FUT8: variants seen among roughly 807,000 people sequenced by gnomAD.
FUT8 encodes fucosyltransferase 8.
In FUT8, 29 loss-of-function variants were observed where a neutral mutation model predicts 71.3. That is an observed-to-expected ratio of 0.41 (90% CI 0.30 to 0.55). FUT8 has a LOEUF of 0.55. FUT8 is among the 20% of genes least tolerant of loss of function. The probability of loss-of-function intolerance (pLI) is 0.34; values close to 1 mark genes in which losing one functional copy is unlikely to be tolerated. For missense variants in FUT8, 544 were observed against 702.1 expected (o/e 0.77, Z 2.55); for synonymous variants, 254 against 239.3 (o/e 1.06, Z -0.57).
chr14:65,560,619 C>T (rs544653288), intron 2 of FUT8, among the ~76,000 whole-genome samples: 16 of 152,242 alleles, frequency 1.1e-4, no homozygotes, highest in African/African-American at 3.9e-4. Flanking sequence ...AAAGAATGTG[C>T]ATTTGTAGTT....
intron 2 of FUT8, among the ~76,000 whole-genome samples, chr14:65,558,467 A>C (rs965234644): frequency 1.1e-4 from 16 of 152,196 alleles, no homozygotes; most frequent in African/African-American, 3.9e-4. Context: ...TTTCCTTATA[A>C]TAGCATTCTC....
the FUT8 span, among the ~76,000 whole-genome samples, chr14:65,358,669 T>G: frequency 6.6e-6 from 1 of 152,138 alleles, no homozygotes; most frequent in African/African-American, 2.4e-5. Flanking sequence ...AGGCTGGTCT[T>G]GAACTTCTGT....
At chr14:65,446,599 T>C (rs566676593) in intron 1 of FUT8, among the ~76,000 whole-genome samples, 93 of 152,236 alleles carry the variant, frequency 6.1e-4, no homozygotes, top group African/African-American at 2.2e-3. Flanking sequence ...CCAGGATAAA[T>C]ACTTGATTCT....
intron 2 of FUT8, chr14:65,471,149 T>TAATTA (rs1594669123): frequency 1.6e-4 from 60 of 381,168 alleles, no homozygotes; most frequent in Non-Finnish European, 2.2e-4. Context: ...TAATTAGATC[T>TAATTA]CAGGACTATA....
intron 2 of FUT8, among the ~76,000 whole-genome samples, chr14:65,539,884 T>G (rs72714482): frequency 0.14 from 20,592 of 152,226 alleles, 1,848 homozygotes; most frequent in Middle Eastern, 0.21. Context: ...GATTGGCTAA[T>G]TGGTGGAGAC....
In FUT8 at chr14:65,603,170, A is replaced by G. The variant is rs1888396873; in HGVS notation, c.204-12808A>G. Among the ~76,000 whole-genome samples, 2 of 151,940 alleles carry G rather than the reference A, an allele frequency of 1.3e-5. 1 individual carries two copies. The highest frequency in any genetic ancestry group is 1.3e-4 in the Admixed American group (2 of 15,242). ...AGTTGATTTTTGTGTAAGGTGAGAG[A>G]TGAGGTTTTATTCTGCTACATGTGG... On this transcript the variant is annotated intron_variant, in intron 3 of 10. Coordinates refer to ENST00000673929, the MANE Select transcript of FUT8 (RefSeq NM_001371533.1). This position sits in a 1 kb window ranked among gnomAD's most constrained non-coding sequence, Gnocchi z 4.5.
chr14:65,361,961 G>C, the FUT8 span, among the ~76,000 whole-genome samples: 4 of 152,258 alleles, frequency 2.6e-5, no homozygotes, highest in South Asian at 8.3e-4. Context: ...TTCATCAGCT[G>C]TTTGAAATGC....
intron 6 of FUT8, among the ~76,000 whole-genome samples, chr14:65,666,695 C>T (rs1892233913): frequency 6.6e-6 from 1 of 152,008 alleles, no homozygotes; most frequent in Admixed American, 6.6e-5. Flanking sequence ...CATTCTGATA[C>T]CAAAACCTGG....
intron 3 of FUT8, among the ~76,000 whole-genome samples, chr14:65,594,712 G>GCTCC (rs1887874069): frequency 6.6e-6 from 1 of 152,154 alleles, no homozygotes; most frequent in Non-Finnish European, 1.5e-5. Flanking sequence ...GAGAAAGGGA[G>GCTCC]CGGGAAGGGC....
rs191578191 is a variant in FUT8, at chr14:65,726,957, A to G, written c.1259+2634A>G. ...GCTACAGGCCCCATGCAAGTCCGAAATCCAGTGGGGCAGTCGAATGTTAAA... is the reference window on the plus strand; with the variant it reads ...GCTACAGGCCCCATGCAAGTCCGAAGTCCAGTGGGGCAGTCGAATGTTAAA... On this transcript the variant is annotated intron_variant, in intron 9 of 10. Coordinates refer to ENST00000673929, the MANE Select transcript of FUT8 (RefSeq NM_001371533.1). 1.1e-3 allele frequency among the ~76,000 whole-genome samples: 174 copies of G among 152,302 alleles called. 1 individual carries two copies. The highest frequency in any genetic ancestry group is 3.9e-3 in the African/African-American group (164 of 41,572).
intron 3 of FUT8, among the ~76,000 whole-genome samples, chr14:65,576,702 T>A (rs1361169925): frequency 1.4e-4 from 1 of 7,306 alleles, no homozygotes; most frequent in African/African-American, 1.9e-4. Context: ...CTTGCTTTTT[T>A]TTTTTTTTTT....
chr14:65,530,152 T>C (rs1566805406), intron 2 of FUT8, among the ~76,000 whole-genome samples: 1 of 152,160 alleles, frequency 6.6e-6, no homozygotes, highest in Non-Finnish European at 1.5e-5. Context: ...AAAATTCTTG[T>C]TGTGTTGGCC....
chr14:65,616,404 C>G, intron 5 of FUT8, 31 bp downstream of exon 5: 1 of 1,508,348 alleles, frequency 6.6e-7, no homozygotes, highest in Non-Finnish European at 8.9e-7. Flanking sequence ...TTTATTTGGG[C>G]TTTAGAAAAG....
At chr14:65,696,926 C>G (rs751147467) in intron 7 of FUT8, among the ~76,000 whole-genome samples, 2 of 152,108 alleles carry the variant, frequency 1.3e-5, no homozygotes, top group Non-Finnish European at 2.9e-5. Flanking sequence ...TTCCATCTCT[C>G]TGCCTGCATT....
chr14:65,727,261 T>C (rs1284683827), intron 9 of FUT8, among the ~76,000 whole-genome samples: 1 of 152,210 alleles, frequency 6.6e-6, no homozygotes, highest in African/African-American at 2.4e-5. Flanking sequence ...GTGGGGGCTC[T>C]GACCCCACAT....
Position 65,717,482 on chromosome 14 carries a change from C to T in FUT8, c.836-4293C>T, listed in dbSNP as rs574718649. On this transcript the variant is annotated intron_variant, in intron 7 of 10. Transcript: ENST00000673929. ...GCAGAGGCGCTCCTCACTTCCTAGA[C>T]GGGGCGGCCGGGCAGAGGCGCTCCT... is the stretch of plus-strand genomic sequence containing the variant. Among the ~76,000 whole-genome samples, 541 of 130,900 alleles carry T rather than the reference C, an allele frequency of 4.1e-3. 3 individuals are homozygous for T. Among genetic ancestry groups the T allele is most frequent in the African/African-American group, 0.013 (432 of 33,906 alleles). 85.9% of individuals were successfully genotyped at this position (130,900 alleles called of 152,430 possible).
chr14:65,412,304 A>G (rs1162345267), upstream of FUT8: 1 of 456,596 alleles, frequency 2.2e-6, no homozygotes, highest in Non-Finnish European at 4.4e-6. Flanking sequence ...CCCTAAAAGT[A>G]GCAAGGAGCC....
chr14:65,388,158 C>G, the FUT8 span, among the ~76,000 whole-genome samples: 6 of 152,298 alleles, frequency 3.9e-5, no homozygotes, highest in African/African-American at 1.4e-4. Context: ...ATGGAACTCC[C>G]ATTTTGCCAT....
chr14:65,457,332 G>A (rs2065907301), intron 2 of FUT8, among the ~76,000 whole-genome samples: 1 of 152,114 alleles, frequency 6.6e-6, no homozygotes, highest in African/African-American at 2.4e-5. Flanking sequence ...CAGACATTGT[G>A]GCTAGGGGAA....
Sources: gnomAD v4.1 joint callset for allele counts (sites outside exome capture counted in the v4.1 genomes callset) on GRCh38, gnomAD v4.1.1 for gene constraint, Gnocchi (gnomAD v3.1) non-coding constraint, MANE v1.5 for transcripts, NCBI Gene and HGNC (gene_info 2026-07-23, HGNC 2026-07-21) for gene names.